The following MARCHF1 variants were observed in gnomAD, a reference collection of about 807,000 sequenced individuals.
MARCHF1 encodes membrane associated ring-CH-type finger 1, also known as E3 ubiquitin-protein ligase MARCHF1.
MARCHF1 carries 40 observed loss-of-function variants against 54.2 expected under a neutral mutation model. That is an observed-to-expected ratio of 0.74 (90% CI 0.57 to 0.96). MARCHF1 has a LOEUF of 0.96. MARCHF1 is among the 40% of genes least tolerant of loss of function. MARCHF1 has a pLI of 0.00. For synonymous variants in MARCHF1, 236 were observed against 236.3 expected (o/e 1.00, Z 0.01); for missense variants, 586 against 656.5 (o/e 0.89, Z 1.17).
chr4:164,143,492 G>A (rs1320575139), intron 1 of MARCHF1, among the ~76,000 whole-genome samples: 1 of 150,234 alleles, frequency 6.7e-6, no homozygotes, highest in Non-Finnish European at 1.5e-5. Flanking sequence ...AACTCTACAA[G>A]CCAGAAGAGA....
chr4:164,230,345 A>G (rs1338428621), intron 1 of MARCHF1, among the ~76,000 whole-genome samples: 1 of 151,698 alleles, frequency 6.6e-6, no homozygotes, highest in East Asian at 1.9e-4. Flanking sequence ...CAGTGAGCCA[A>G]GGTGGCGCCA....
At chr4:164,048,197 A>G (rs1176063721) in intron 2 of MARCHF1, among the ~76,000 whole-genome samples, 1 of 152,150 alleles carries the variant, frequency 6.6e-6, no homozygotes, top group Non-Finnish European at 1.5e-5. Context: ...TTTTAAATAG[A>G]TATTTTTAAA....
At chr4:164,271,419 T>C (rs1733743143) in intron 1 of MARCHF1, among the ~76,000 whole-genome samples, 1 of 152,012 alleles carries the variant, frequency 6.6e-6, no homozygotes, top group African/African-American at 2.4e-5. Context: ...GGAGAGGCAA[T>C]GAGAAAAGGA....
intron 4 of MARCHF1, among the ~76,000 whole-genome samples, 151 bp from the exon 5 acceptor site, chr4:163,701,014 T>C (rs1744795526): frequency 6.6e-6 from 1 of 152,214 alleles, no homozygotes; most frequent in African/African-American, 2.4e-5. Flanking sequence ...TTACACAGAA[T>C]GCTTTTTTCT....
chr4:164,118,613 T>C (rs935084329), intron 1 of MARCHF1, among the ~76,000 whole-genome samples: 3 of 151,600 alleles, frequency 2.0e-5, no homozygotes, highest in African/African-American at 4.8e-5. Flanking sequence ...TCCAGTTTAA[T>C]ATATCTTTTT....
At chr4:163,995,200 G>C (rs1474185197) in intron 2 of MARCHF1, among the ~76,000 whole-genome samples, 1 of 152,064 alleles carries the variant, frequency 6.6e-6, no homozygotes, top group Non-Finnish European at 1.5e-5. Context: ...CAATGAGTTT[G>C]CTAGAGAGGC....
intron 4 of MARCHF1, among the ~76,000 whole-genome samples, chr4:163,718,993 T>C (rs755905224): frequency 4.6e-5 from 7 of 152,206 alleles, no homozygotes; most frequent in Non-Finnish European, 8.8e-5. Context: ...CTCTATAAAT[T>C]ACTAGAAGTT....
At chr4:164,349,728 G>T (rs1456489220) in intron 1 of MARCHF1, among the ~76,000 whole-genome samples, 1 of 152,106 alleles carries the variant, frequency 6.6e-6, no homozygotes, top group East Asian at 1.9e-4. Flanking sequence ...ACCTATAAAA[G>T]AATGTAATAT....
intron 4 of MARCHF1, among the ~76,000 whole-genome samples, chr4:163,774,502 C>CTTT (rs369862555): frequency 0.32 from 44,354 of 137,724 alleles, 8,295 homozygotes; most frequent in East Asian, 0.54. Flanking sequence ...AAGTGTTAGG[C>CTTT]TTTTTTTTTT....
chr4:164,372,946 C>T (rs1003121065), intron 1 of MARCHF1, among the ~76,000 whole-genome samples: 3 of 152,040 alleles, frequency 2.0e-5, no homozygotes, highest in Non-Finnish European at 4.4e-5. Context: ...GCAAATAAAT[C>T]TTCGCATTTC....
intron 1 of MARCHF1, among the ~76,000 whole-genome samples, chr4:164,362,209 C>T (rs903543566): frequency 6.6e-6 from 1 of 152,030 alleles, no homozygotes; most frequent in Non-Finnish European, 1.5e-5. Flanking sequence ...AACCTACAGA[C>T]ATTTGTGTGT....
chr4:164,044,385 G>C (rs1267218041), intron 2 of MARCHF1, among the ~76,000 whole-genome samples: 1 of 151,766 alleles, frequency 6.6e-6, no homozygotes, highest in Non-Finnish European at 1.5e-5. Flanking sequence ...CGTGGTGGCA[G>C]GAGAGAGAGA....
intron 3 of MARCHF1, among the ~76,000 whole-genome samples, chr4:163,871,350 A>G (rs1750164131): frequency 6.6e-6 from 1 of 152,172 alleles, no homozygotes; most frequent in South Asian, 2.1e-4. Flanking sequence ...GTAAGGTGTA[A>G]TTGGGGAAAC....
intron 2 of MARCHF1, among the ~76,000 whole-genome samples, chr4:164,081,243 A>AAAAAAAAAAAAT (rs1553978609): frequency 6.9e-6 from 1 of 145,250 alleles, no homozygotes; most frequent in Non-Finnish European, 1.5e-5. Context: ...AAAAAGAAAT[A>AAAAAAAAAAAAT]TTATTTGCAT....
In MARCHF1 at chr4:163,613,021, T is replaced by C. The variant is rs1299512443; in HGVS notation, c.260A>G (p.Asp87Gly). ...ATACTCAAATGACTCTTCTGACATGTCATGCAAGATGGCAGATCTAGACAG... is the reference window on the plus strand; with the variant it reads ...ATACTCAAATGACTCTTCTGACATGCCATGCAAGATGGCAGATCTAGACAG... ...QDICRSAILH[D>G]MSEESFEYCT... Residue 87 changes from aspartate to glycine, a missense_variant, in exon 7 of 10, where the codon GAC becomes GGC. Physicochemically the swap from Asp to Gly is moderately conservative, Grantham distance 94 (BLOSUM62 -1). This residue lies in a region of MARCHF1 where 387 missense variants were observed against 394.6 expected (regional missense o/e 0.98). Transcript: ENST00000514618. 8 of 1,506,034 alleles carry C rather than the reference T, an allele frequency of 5.3e-6. No individual in the cohort carries two copies. Among genetic ancestry groups the C allele is most frequent in the Non-Finnish European group, 2.6e-6 (3 of 1,136,404 alleles). 93.3% of individuals were successfully genotyped at this position (1,506,034 alleles called of 1,614,324 possible).
In MARCHF1 at chr4:164,144,123, A is replaced by G. The variant is rs1044255913; in HGVS notation, c.-322-32461T>C. On this transcript the variant is annotated intron_variant, in intron 1 of 9. Transcript: ENST00000514618. ...ATCAATTCAACAAGAAGAGCTAACT[A>G]TCCTAAATATATATGCACCCAATAC... is the stretch of plus-strand genomic sequence containing the variant. Among the ~76,000 whole-genome samples the G allele has an allele frequency of 5.7e-3, 863 of 152,018 alleles. 7 individuals are homozygous for G. Among genetic ancestry groups the G allele is most frequent in the African/African-American group, 0.02 (823 of 41,364 alleles).
chr4:163,529,182 A>G (rs1232180969), intron 9 of MARCHF1, 136 bp from the exon 10 acceptor site: 2 of 655,026 alleles, frequency 3.1e-6, no homozygotes, highest in South Asian at 2.1e-5. Flanking sequence ...TATATTCTTC[A>G]TAACTAGAAA....
At chr4:163,726,584 T>C (rs1745659682) in intron 4 of MARCHF1, among the ~76,000 whole-genome samples, 1 of 152,192 alleles carries the variant, frequency 6.6e-6, no homozygotes, top group Non-Finnish European at 1.5e-5. Context: ...GTGTAGGTTT[T>C]TGTGAGGGCA....
At chr4:164,378,782 G>C (rs1731275585) in intron 1 of MARCHF1, among the ~76,000 whole-genome samples, 1 of 152,190 alleles carries the variant, frequency 6.6e-6, no homozygotes, top group Non-Finnish European at 1.5e-5. Flanking sequence ...CACGATCTTG[G>C]CTTGCTGCAA....
Sources: allele counts gnomAD v4.1 joint callset (sites outside exome capture counted in the v4.1 genomes callset), GRCh38; gene constraint gnomAD v4.1.1; regional missense constraint gnomAD v4.1.1; transcripts MANE v1.5; gene names NCBI Gene and HGNC (gene_info 2026-07-23, HGNC 2026-07-21).